OR11A1: variants seen among roughly 807,000 people sequenced by gnomAD.
OR11A1 encodes the protein olfactory receptor 11A1.
For synonymous variants in OR11A1, 158 were observed against 152.2 expected (o/e 1.04, Z -0.28); for missense variants, 380 against 378.2 (o/e 1.00, Z -0.04).
chr6:29,427,090 A>T lies in OR11A1; in HGVS notation c.552T>A (p.Leu184=), dbSNP rs1427510557. 1 of 1,612,630 alleles carries T rather than the reference A, an allele frequency of 6.2e-7. No homozygotes were observed. Among genetic ancestry groups the T allele is most frequent in the Non-Finnish European group, 8.5e-7 (1 of 1,180,016 alleles). The change falls in exon 5 of 5, where the codon CTT becomes CTA. Residue 184 remains leucine, a synonymous_variant. Transcript: ENST00000377149. The stretch of plus-strand genomic sequence containing the variant: ...GATCCGAGCAAGCCAGGCCCACGAA[A>T]AGCATAAAGTCACAGTAAAACTGGT... ...HIDQFYCDFM[L]FVGLACSDPR...
intron 1 of OR11A1, among the ~76,000 whole-genome samples, chr6:29,444,906 C>T (rs541677317): frequency 2.0e-5 from 3 of 152,340 alleles, no homozygotes; most frequent in Admixed American, 2.0e-4. Context: ...ACCAACCTTT[C>T]TCCCTGACAC....
intron 1 of OR11A1, among the ~76,000 whole-genome samples, chr6:29,433,541 A>T (rs1458997985): frequency 6.6e-6 from 1 of 152,170 alleles, no homozygotes; most frequent in Non-Finnish European, 1.5e-5. Context: ...ATAGTATTCC[A>T]CTATGCATAT....
chr6:29,440,592 C>T lies in OR11A1; in HGVS notation c.-388-8605G>A, dbSNP rs924462892. 3 of 1,613,912 alleles carry T rather than the reference C, an allele frequency of 1.9e-6. 1 individual carries two copies. On this transcript the variant is annotated intron_variant, in intron 1 of 4. Coordinates refer to ENST00000377149, the MANE Select transcript of OR11A1 (RefSeq NM_001394828.1). ...GCAGCTGGTATGTGGAGACACCTCG[C>T]TTAATGAACTGCAGATTATCCTGGC...
chr6:29,440,011 G>C lies in OR11A1; in HGVS notation c.-388-8024C>G, dbSNP rs371169452. On this transcript the variant is annotated intron_variant, in intron 1 of 4. Coordinates refer to ENST00000377149, the MANE Select transcript of OR11A1 (RefSeq NM_001394828.1). ...TTGTCTTCCAGTCAAAGGTATGCAGGCAGGATGAGTGCAAACACCTCCATG... is the reference window on the plus strand; with the variant it reads ...TTGTCTTCCAGTCAAAGGTATGCAGCCAGGATGAGTGCAAACACCTCCATG... The C allele has an allele frequency of 4.7e-5, 75 of 1,610,184 alleles. No homozygotes were observed. The African/African-American group carries it at 8.8e-4, about 19-fold the overall frequency.
At position 29,449,791 on chromosome 6, in the gene OR11A1, C is replaced by T. The variant is rs372289667; in HGVS notation, c.-389+7196G>A. ...AGCTGGGACTACAGGCATGCACCACCACGTCCAGCCAATTTTTGTATCTTT... is the reference window on the plus strand; with the variant it reads ...AGCTGGGACTACAGGCATGCACCACTACGTCCAGCCAATTTTTGTATCTTT... On this transcript the variant is annotated intron_variant, in intron 1 of 4. Coordinates refer to ENST00000377149, the MANE Select transcript of OR11A1 (RefSeq NM_001394828.1). Among the ~76,000 whole-genome samples the T allele has an allele frequency of 2.7e-3, 417 of 152,254 alleles. 3 individuals carry two copies. The highest frequency in any genetic ancestry group is 0.02 in the Middle Eastern group (6 of 294).
chr6:29,427,069 C>T lies in OR11A1; in HGVS notation c.573G>A (p.Ser191=), dbSNP rs144751047. 116 of 1,612,140 alleles carry T rather than the reference C, an allele frequency of 7.2e-5. No homozygotes were observed. The African/African-American group carries it at 1.3e-3, about 19-fold the overall frequency. The change falls in exon 5 of 5, where the codon TCG becomes TCA. Residue 191 remains serine (S), a synonymous_variant. Coordinates refer to ENST00000377149, the MANE Select transcript of OR11A1 (RefSeq NM_001394828.1). ...DFMLFVGLAC[S]DPRVAQVTTL... ...TTGTCACCTGAGCCACTCTGGGATCCGAGCAAGCCAGGCCCACGAAAAGCA... is the reference window on the plus strand; with the variant it reads ...TTGTCACCTGAGCCACTCTGGGATCTGAGCAAGCCAGGCCCACGAAAAGCA...
At chr6:29,431,325 T>A (rs1783214971) in intron 2 of OR11A1, among the ~76,000 whole-genome samples, 1 of 152,168 alleles carries the variant, frequency 6.6e-6, no homozygotes, top group Admixed American at 6.5e-5. Flanking sequence ...AAAAGTTAAT[T>A]CAGTTTGATT....
intron 1 of OR11A1, among the ~76,000 whole-genome samples, chr6:29,435,710 A>G (rs1370379991): frequency 6.6e-6 from 1 of 152,240 alleles, no homozygotes; most frequent in East Asian, 1.9e-4. Context: ...ACAAAAACAA[A>G]TTATAGCTCT....
Position 29,431,861 on chromosome 6 carries a change from T to C in OR11A1, c.-265+3A>G, listed in dbSNP as rs1783251020. ...GTAAAGAATTTTACAAAAATAAACGTACCCGAAATATCGACCCTGTTCTCT... is the reference window on the plus strand; with the variant it reads ...GTAAAGAATTTTACAAAAATAAACGCACCCGAAATATCGACCCTGTTCTCT... On this transcript the variant is annotated splice_donor_region_variant and intron_variant, in intron 2 of 4. Transcript: ENST00000377149. The C allele has an allele frequency of 1.0e-6, 1 of 985,258 alleles. No homozygotes were observed. Among genetic ancestry groups the C allele is most frequent in the Admixed American group, 6.2e-5 (1 of 16,258 alleles). The allele number at this position is 985,258 out of a possible 1,614,324, so 61.0% of individuals were successfully genotyped here.
rs767150877 is a variant in OR11A1, at chr6:29,426,725, A to C, written c.917T>G (p.Leu306Arg). The C allele has an allele frequency of 6.2e-7, 1 of 1,612,086 alleles. No individual in the cohort carries two copies. Among genetic ancestry groups the C allele is most frequent in the Admixed American group, 1.7e-5 (1 of 59,862 alleles). ...KEVHQALRKI[L>R]CIKQTETLD The stretch of plus-strand genomic sequence containing the variant: ...AAGTGTTTCAGTTTGTTTGATACAG[A>C]GAATCTTCCGAAGTGCCTGATGCAC... Residue 306 changes from leucine to arginine, a missense_variant, in exon 5 of 5, where the codon CTC (leucine) becomes CGC (arginine). Transcript: ENST00000377149.
intron 1 of OR11A1, among the ~76,000 whole-genome samples, chr6:29,437,398 A>G (rs1215029619): frequency 6.6e-6 from 1 of 152,232 alleles, no homozygotes; most frequent in Admixed American, 6.5e-5. Flanking sequence ...CTCCAGCATA[A>G]CCACAATACT....
At chr6:29,439,426 G>C (rs1783908486) in intron 1 of OR11A1, 1 of 152,236 alleles carries the variant, frequency 6.6e-6, no homozygotes, top group South Asian at 2.1e-4. Flanking sequence ...TAAAAAGAGA[G>C]GATCTTTCTC....
In OR11A1 at chr6:29,430,335, T is replaced by C; in HGVS notation, c.-174A>G. The C allele has an allele frequency of 1.0e-6, 1 of 985,412 alleles. No homozygotes were observed. Among genetic ancestry groups the C allele is most frequent in the Non-Finnish European group, 1.2e-6 (1 of 829,908 alleles). The allele number at this position is 985,412 out of a possible 1,614,324, so 61.0% of individuals were successfully genotyped here. The stretch of plus-strand genomic sequence containing the variant: ...CCATCTGCATTTCCTTGTGAGTGAA[T>C]CTGGCACTCCCTATGTGGGCCATCT... On this transcript the variant is annotated 5_prime_UTR_variant, in exon 3 of 5. Coordinates refer to ENST00000377149, the MANE Select transcript of OR11A1 (RefSeq NM_001394828.1).
intron 1 of OR11A1, chr6:29,440,486 C>A (rs1252962304): frequency 6.2e-7 from 1 of 1,613,648 alleles, no homozygotes; most frequent in Non-Finnish European, 8.5e-7. Context: ...TGGGGCTGGG[C>A]CACACCCCTT....
intron 4 of OR11A1, 135 bp from the exon 5 acceptor site, chr6:29,427,867 G>A: frequency 1.4e-6 from 1 of 695,742 alleles, no homozygotes; most frequent in Non-Finnish European, 2.3e-6. Flanking sequence ...CCTTAATTGT[G>A]CATATTCTTT....
Position 29,427,363 on chromosome 6 carries a change from G to C in OR11A1, c.279C>G (p.Ile93Met). The change falls in exon 5 of 5, where the codon ATC becomes ATG. Residue 93 changes from isoleucine (I) to methionine (M), a missense_variant. Physicochemically the swap from Ile to Met is conservative, Grantham distance 10. Transcript: ENST00000377149. ...MLEGFLQEAT[I>M]SVAGCLLQFF... The stretch of plus-strand genomic sequence containing the variant: ...ACTGGAGCAAGCAACCAGCCACAGA[G>C]ATAGTTGCTTCTTGCAGGAAGCCCT... 1 of 1,613,130 alleles carries C rather than the reference G, an allele frequency of 6.2e-7. No homozygotes were observed. Among genetic ancestry groups the C allele is most frequent in the Non-Finnish European group, 8.5e-7 (1 of 1,180,040 alleles).
Position 29,426,185 on chromosome 6 carries a change from T to C in OR11A1, c.*509A>G, listed in dbSNP as rs1216648966. 1.3e-5 allele frequency: 2 copies of C among 152,926 alleles called. No individual in the cohort carries two copies. The highest frequency in any genetic ancestry group is 1.3e-4 in the Admixed American group (2 of 15,294). The allele number at this position is 152,926 out of a possible 1,614,324, so 9.5% of individuals were successfully genotyped here. A position where few individuals can be genotyped will look rare whatever the true frequency, so the allele number is the denominator to read the frequency against. ...GTATTATTTTTAAATATTTATGACA[T>C]ATTTAATAAAGAACTAATCAAAGTT... is the stretch of plus-strand genomic sequence containing the variant. On this transcript the variant is annotated 3_prime_UTR_variant, in exon 5 of 5. Transcript: ENST00000377149.
chr6:29,453,300 C>T lies in OR11A1; in HGVS notation c.-389+3687G>A, dbSNP rs184387005. Among the ~76,000 whole-genome samples, 210 of 151,680 alleles carry T rather than the reference C, an allele frequency of 1.4e-3. 5 individuals are homozygous for T. The East Asian group carries it at 0.021, about 15-fold the overall frequency. Reference sequence around the variant, plus strand: ...CCACCTCACAAATAAATTATAAAACCAGAAAAATTGTCAAAAACAATCATT... The same window carrying T: ...CCACCTCACAAATAAATTATAAAACTAGAAAAATTGTCAAAAACAATCATT... On this transcript the variant is annotated intron_variant, in intron 1 of 4. Coordinates refer to ENST00000377149, the MANE Select transcript of OR11A1 (RefSeq NM_001394828.1). The surrounding 1 kb of genome is among the most constrained non-coding windows in gnomAD (Gnocchi z 4.5).
In OR11A1 at chr6:29,437,216, C is replaced by T. The variant is rs1316565206; in HGVS notation, c.-388-5229G>A. 2.0e-5 allele frequency among the ~76,000 whole-genome samples: 3 copies of T among 152,186 alleles called. No individual in the cohort carries two copies. In the South Asian group the frequency reaches 6.2e-4, roughly 32 times the overall value. On this transcript the variant is annotated intron_variant, in intron 1 of 4. Coordinates refer to ENST00000377149, the MANE Select transcript of OR11A1 (RefSeq NM_001394828.1). ...TATACCCAAAGGATTATAAATCATG[C>T]TGCTATAAAGACACATGCACATGTA...
Sources: gnomAD v4.1 joint callset for allele counts (sites outside exome capture counted in the v4.1 genomes callset) on GRCh38, gnomAD v4.1.1 for gene constraint, Gnocchi (gnomAD v3.1) non-coding constraint, MANE v1.5 for transcripts, NCBI Gene and HGNC (gene_info 2026-07-23, HGNC 2026-07-21) for gene names.